GBE1: variants seen among roughly 807,000 people sequenced by gnomAD.
GBE1 encodes the protein 1,4-alpha-glucan-branching enzyme.
A neutral mutation model predicts 88.8 loss-of-function variants in GBE1; 70 were observed. The observed-to-expected ratio is 0.79, with a 90% CI of 0.65 to 0.96. The LOEUF is 0.96. Ranked by LOEUF, GBE1 falls within the 40% of genes least tolerant of loss-of-function variation. The pLI is 0.00. For synonymous variants in GBE1, 284 were observed against 300.1 expected, an observed-to-expected ratio of 0.95 and a Z score of 0.56; for missense variants, 872 against 871.0, an observed-to-expected ratio of 1.00 and a Z score of -0.01.
intron 12 of GBE1, among the ~76,000 whole-genome samples, chr3:81,555,412 A>G (rs1703333667): frequency 6.6e-6 from 1 of 152,210 alleles, no homozygotes; most frequent in African/African-American, 2.4e-5. Context: ...ACAGGAGACA[A>G]AGTTCTAAAT....
At chr3:81,500,492 T>G (rs1446999775) in intron 14 of GBE1, among the ~76,000 whole-genome samples, 1 of 152,146 alleles carries the variant, frequency 6.6e-6, no homozygotes, top group Non-Finnish European at 1.5e-5. Flanking sequence ...TTCCAAAAAC[T>G]AAAACAGTAC....
At chr3:81,535,934 G>A (rs1703067898) in intron 13 of GBE1, among the ~76,000 whole-genome samples, 1 of 151,884 alleles carries the variant, frequency 6.6e-6, no homozygotes, top group Admixed American at 6.6e-5. Context: ...ACAGTTGGCT[G>A]TGAAAAGCCT....
intron 7 of GBE1, among the ~76,000 whole-genome samples, chr3:81,616,911 G>T (rs1240239506): frequency 6.6e-6 from 1 of 151,878 alleles, no homozygotes. Context: ...TATTTTATTG[G>T]ATTTACATCT....
chr3:81,656,322 T>C (rs1209000311), intron 3 of GBE1, among the ~76,000 whole-genome samples: 1 of 152,104 alleles, frequency 6.6e-6, no homozygotes, highest in East Asian at 1.9e-4. Flanking sequence ...GAGAAGACAC[T>C]GTGACCCAGG....
At chr3:81,622,357 C>T (rs1386500028) in intron 7 of GBE1, among the ~76,000 whole-genome samples, 1 of 152,172 alleles carries the variant, frequency 6.6e-6, no homozygotes, top group Non-Finnish European at 1.5e-5. Context: ...TAAATAGGTC[C>T]TCCCATTTCA....
intron 14 of GBE1, among the ~76,000 whole-genome samples, chr3:81,528,428 T>G (rs1390628756): frequency 6.6e-6 from 1 of 152,018 alleles, no homozygotes; most frequent in Non-Finnish European, 1.5e-5. Context: ...GAATGTTCCA[T>G]GAGCTGAGGA....
rs187931697 is a variant in GBE1 at position 81,549,178 on chromosome 3, C to T, written c.1619-12083G>A. Among the ~76,000 whole-genome samples the T allele has an allele frequency of 1.5e-3, 221 of 150,672 alleles. 5 individuals carry two copies. The highest frequency in any genetic ancestry group is 5.2e-3 in the African/African-American group (215 of 41,280). On this transcript the variant is annotated intron_variant, in intron 12 of 15. Coordinates refer to ENST00000429644, the MANE Select transcript of GBE1 (RefSeq NM_000158.4). ...CTGAGTAGCTGGGATTACAGGTGTC[C>T]ACCACCATGCCGAGCTAATTGTTGT... is the stretch of plus-strand genomic sequence containing the variant.
chr3:81,508,272 CTTAAA>C (rs1423565160), intron 14 of GBE1, among the ~76,000 whole-genome samples: 1 of 152,024 alleles, frequency 6.6e-6, no homozygotes, highest in African/African-American at 2.4e-5. Flanking sequence ...GATTATATAA[CTTAAA>C]CTAAAAAATG....
intron 1 of GBE1, among the ~76,000 whole-genome samples, chr3:81,750,619 A>ATATATG (rs1706504167): frequency 3.0e-5 from 2 of 66,464 alleles, no homozygotes; most frequent in Non-Finnish European, 4.9e-5. Context: ...ATATATATGT[A>ATATATG]TATATATATA....
At chr3:81,666,181 A>G (rs1705111521) in intron 3 of GBE1, among the ~76,000 whole-genome samples, 2 of 152,200 alleles carry the variant, frequency 1.3e-5, no homozygotes. Context: ...ATGATAATAA[A>G]AAGCATATAA....
chr3:81,518,757 G>A (rs2106842547), intron 14 of GBE1, among the ~76,000 whole-genome samples: 1 of 151,544 alleles, frequency 6.6e-6, no homozygotes, highest in Admixed American at 6.6e-5. Flanking sequence ...AAAAAAGGAG[G>A]ACCTATATTA....
chr3:81,553,167 T>C (rs1008224275), intron 12 of GBE1, among the ~76,000 whole-genome samples: 3 of 152,202 alleles, frequency 2.0e-5, no homozygotes, highest in African/African-American at 7.2e-5. Flanking sequence ...AATGTACGAA[T>C]GAAGTGTATT....
chr3:81,497,716 T>A (rs1702536591), intron 15 of GBE1, among the ~76,000 whole-genome samples: 1 of 152,160 alleles, frequency 6.6e-6, no homozygotes, highest in Non-Finnish European at 1.5e-5. Context: ...GTCCTTTCAG[T>A]CTAGTTCCAT....
chr3:81,760,939 A>G (rs573450714), intron 1 of GBE1, among the ~76,000 whole-genome samples: 10 of 152,386 alleles, frequency 6.6e-5, no homozygotes, highest in Admixed American at 6.5e-4. Flanking sequence ...GCTATGAAAT[A>G]AACTAGAAAG....
chr3:81,580,684 C>G (rs148003977), intron 11 of GBE1, among the ~76,000 whole-genome samples: 1,680 of 151,988 alleles, frequency 0.011, 21 homozygotes, highest in Non-Finnish European at 0.018. Context: ...AGGCTGTATT[C>G]GAGAAGACAG....
intron 7 of GBE1, among the ~76,000 whole-genome samples, chr3:81,611,739 A>G (rs1704185154): frequency 1.3e-5 from 2 of 152,192 alleles, no homozygotes; most frequent in South Asian, 2.1e-4. Context: ...AGAATTGTCT[A>G]TAATTGGACA....
chr3:81,728,007 C>T (rs544026259), intron 1 of GBE1, among the ~76,000 whole-genome samples: 4 of 152,100 alleles, frequency 2.6e-5, no homozygotes, highest in African/African-American at 9.6e-5. Context: ...TATCAATTAA[C>T]CCTCCCAATT....
intron 12 of GBE1, among the ~76,000 whole-genome samples, chr3:81,556,484 G>T (rs1245486289): frequency 2.0e-5 from 3 of 151,982 alleles, no homozygotes; most frequent in African/African-American, 7.2e-5. Flanking sequence ...AAATGTGTCA[G>T]GTATTTGGGG....
intron 7 of GBE1, among the ~76,000 whole-genome samples, chr3:81,619,855 C>T (rs1559665279): frequency 1.3e-5 from 2 of 151,992 alleles, no homozygotes; most frequent in East Asian, 1.9e-4. Context: ...AAACAAAATA[C>T]CATTTTACAT....
Sources: gnomAD v4.1 joint callset for allele counts (sites outside exome capture counted in the v4.1 genomes callset) on GRCh38, gnomAD v4.1.1 for gene constraint, MANE v1.5 for transcripts, NCBI Gene and HGNC (gene_info 2026-07-23, HGNC 2026-07-21) for gene names.